Variants in SYT6 observed in about 807,000 individuals in gnomAD.
SYT6 encodes synaptotagmin-6.
Under a neutral mutation model 38.4 loss-of-function variants are expected in SYT6, and 24 were observed. That is an observed-to-expected ratio of 0.62 (90% CI 0.45 to 0.88). The LOEUF (loss-of-function observed/expected upper bound fraction) is 0.88. Ranked by LOEUF, SYT6 falls within the 40% of genes least tolerant of loss-of-function variation. SYT6 has a pLI of 0.00. For missense variants in SYT6, 611 were observed against 621.0 expected (o/e 0.98, Z 0.17); for synonymous variants, 265 against 241.9 (o/e 1.10, Z -0.89).
At chr1:114,144,712 C>G (rs1306914780) in intron 1 of SYT6, among the ~76,000 whole-genome samples, 1 of 152,132 alleles carries the variant, frequency 6.6e-6, no homozygotes, top group East Asian at 1.9e-4. Context: ...AATGCCCAGT[C>G]CCCTGCTAAG....
Position 114,134,812 on chromosome 1 carries a change from G to A in SYT6, c.1071+2683C>T, listed in dbSNP as rs1485166706. On this transcript the variant is annotated intron_variant, in intron 3 of 7. Coordinates refer to ENST00000610222, the MANE Select transcript of SYT6 (RefSeq NM_001253772.2). ...CACATGGGAGAGATGGGAGCTGGCT[G>A]TTGGCTGCGCTCATCTCATCAGTAC... 4.6e-5 allele frequency among the ~76,000 whole-genome samples: 7 copies of A among 152,218 alleles called. No individual in the cohort carries two copies. The East Asian group carries it at 1.2e-3, about 25-fold the overall frequency.
intron 7 of SYT6, among the ~76,000 whole-genome samples, chr1:114,092,936 C>A (rs944676208): frequency 1.3e-5 from 2 of 152,210 alleles, no homozygotes; most frequent in African/African-American, 4.8e-5. Flanking sequence ...GTCCACTGCT[C>A]ACCCATCCTT....
chr1:114,153,797 G>T lies in SYT6; in HGVS notation c.-25C>A. 1 of 637,338 alleles carries T rather than the reference G, an allele frequency of 1.6e-6. No individual in the cohort carries two copies. The highest frequency in any genetic ancestry group is 2.8e-6 in the Non-Finnish European group (1 of 359,674). The allele number at this position is 637,338 out of a possible 1,614,324, so 39.5% of individuals were successfully genotyped here. A position where few individuals can be genotyped will look rare whatever the true frequency, so the allele number is the denominator to read the frequency against. ...TGCCCTAGACACCCAGGCTTGCCGAGCAGCAGCTCGAACCCGCGCCCCGGC... is the reference window on the plus strand; with the variant it reads ...TGCCCTAGACACCCAGGCTTGCCGATCAGCAGCTCGAACCCGCGCCCCGGC... On this transcript the variant is annotated 5_prime_UTR_variant, in exon 1 of 8. Transcript: ENST00000610222.
intron 1 of SYT6, among the ~76,000 whole-genome samples, chr1:114,144,532 G>A (rs369336109): frequency 3.3e-5 from 5 of 152,148 alleles, no homozygotes; most frequent in African/African-American, 4.8e-5. Flanking sequence ...ACTATGACAC[G>A]TGTTTTTCCT....
chr1:114,104,977 C>T (rs994512916), intron 3 of SYT6, among the ~76,000 whole-genome samples: 8 of 152,074 alleles, frequency 5.3e-5, no homozygotes, highest in African/African-American at 1.9e-4. Flanking sequence ...CTTTTCAAAC[C>T]TTGCCCCCTC....
chr1:114,112,259 G>A (rs569191099), intron 3 of SYT6, among the ~76,000 whole-genome samples: 2 of 152,304 alleles, frequency 1.3e-5, no homozygotes, highest in African/African-American at 2.4e-5. Context: ...GTGGAGCAGC[G>A]GTGCACGGAG....
At chr1:114,133,723 T>A (rs1678305954) in intron 3 of SYT6, among the ~76,000 whole-genome samples, 2 of 152,230 alleles carry the variant, frequency 1.3e-5, no homozygotes, top group South Asian at 4.1e-4. Context: ...GGCCTCCGAC[T>A]GCCCTGCAGG....
At chr1:114,133,886 C>G (rs538338808) in intron 3 of SYT6, among the ~76,000 whole-genome samples, 56 of 152,292 alleles carry the variant, frequency 3.7e-4, no homozygotes, top group Admixed American at 3.3e-4. Flanking sequence ...ATGTGTACCT[C>G]CCCTCCACTA....
Position 114,137,519 on chromosome 1 carries a change from C to T in SYT6, c.1047G>A (p.Trp349Ter), listed in dbSNP as rs534003664. Residue 349 changes from tryptophan to a stop codon, truncating the protein, a stop_gained, in exon 3 of 8, where the codon TGG (tryptophan) becomes TGA (stop). Coordinates refer to ENST00000610222, the MANE Select transcript of SYT6 (RefSeq NM_001253772.2). LOFTEE classifies it high-confidence loss of function. ...ASDLSRETSIWKDIQYATSES... is the reference protein window; with the variant it reads ...ASDLSRETSI ...CACTTGTGGCATATTGGATATCCTT[C>T]CAGATGGAGGTTTCCCGAGACAGGT... The T allele has an allele frequency of 6.2e-7, 1 of 1,613,652 alleles. No homozygotes were observed. Among genetic ancestry groups the T allele is most frequent in the Non-Finnish European group, 8.5e-7 (1 of 1,179,696 alleles).
intron 4 of SYT6, among the ~76,000 whole-genome samples, chr1:114,100,384 C>G (rs910238529): frequency 3.9e-5 from 6 of 152,206 alleles, no homozygotes; most frequent in Non-Finnish European, 8.8e-5. Flanking sequence ...ATGGTTCTAT[C>G]TCCTGGACAT....
intron 7 of SYT6, among the ~76,000 whole-genome samples, chr1:114,093,117 C>T (rs1429277119): frequency 6.6e-6 from 1 of 152,170 alleles, no homozygotes; most frequent in Non-Finnish European, 1.5e-5. Context: ...TGAGTAGAAG[C>T]TGCTACTATG....
At chr1:114,113,507 A>C (rs1676811677) in intron 3 of SYT6, among the ~76,000 whole-genome samples, 1 of 152,140 alleles carries the variant, frequency 6.6e-6, no homozygotes, top group African/African-American at 2.4e-5. Context: ...CAGAGGCTCA[A>C]AGTTGCCCTT....
chr1:114,138,082 A>AGT (rs967107942), intron 2 of SYT6, 29 bp from the exon 3 acceptor site: 40 of 1,597,120 alleles, frequency 2.5e-5, no homozygotes, highest in Non-Finnish European at 3.4e-5. Context: ...GGGCAGAGGG[A>AGT]GTGTGGTCAG....
chr1:114,132,241 G>A (rs1355946061), intron 3 of SYT6, among the ~76,000 whole-genome samples: 1 of 152,224 alleles, frequency 6.6e-6, no homozygotes, highest in Non-Finnish European at 1.5e-5. Flanking sequence ...AGGGAGCTGA[G>A]TGCCAGCATA....
intron 3 of SYT6, among the ~76,000 whole-genome samples, chr1:114,116,503 C>T (rs1677004233): frequency 6.6e-6 from 1 of 152,224 alleles, no homozygotes; most frequent in African/African-American, 2.4e-5. Context: ...TAGTTATATT[C>T]CTCACTGTTA....
At chr1:114,142,103 T>G (rs1678896166) in intron 1 of SYT6, among the ~76,000 whole-genome samples, 1 of 152,170 alleles carries the variant, frequency 6.6e-6, no homozygotes, top group Admixed American at 6.5e-5. Flanking sequence ...GATCAAGGAG[T>G]AATTTCAACT....
intron 3 of SYT6, among the ~76,000 whole-genome samples, chr1:114,129,045 T>C (rs561362963): frequency 6.6e-6 from 1 of 152,204 alleles, no homozygotes; most frequent in Non-Finnish European, 1.5e-5. Context: ...AAATATGACA[T>C]GTCCAAATCT....
intron 3 of SYT6, among the ~76,000 whole-genome samples, chr1:114,113,729 C>G (rs542140596): frequency 1.9e-4 from 29 of 152,312 alleles, no homozygotes; most frequent in Admixed American, 6.5e-4. Flanking sequence ...AGCCTACCCC[C>G]CTGCCAGCAT....
chr1:114,106,268 A>C (rs1244040914), intron 3 of SYT6, among the ~76,000 whole-genome samples: 1 of 151,724 alleles, frequency 6.6e-6, no homozygotes, highest in Admixed American at 6.6e-5. Flanking sequence ...AACCCATTGC[A>C]CATGGACTGT....
Sources: gnomAD v4.1 joint callset for allele counts (sites outside exome capture counted in the v4.1 genomes callset) on GRCh38, gnomAD v4.1.1 for gene constraint, MANE v1.5 for transcripts, NCBI Gene and HGNC (gene_info 2026-07-23, HGNC 2026-07-21) for gene names.